MAP4K4: variants seen among roughly 807,000 people sequenced by gnomAD.
MAP4K4 encodes HPK/GCK-like kinase HGK.
MAP4K4 carries 38 observed loss-of-function variants against 189.6 expected under a neutral mutation model. That is an observed-to-expected ratio of 0.20 (90% CI 0.15 to 0.26). MAP4K4 has a LOEUF of 0.26. Ranked by LOEUF, MAP4K4 falls within the 10% of genes least tolerant of loss-of-function variation. The pLI is 1.00. For missense variants in MAP4K4, 1,054 were observed against 1,726.9 expected (o/e 0.61, Z 6.91); for synonymous variants, 610 against 624.3 (o/e 0.98, Z 0.34).
chr2:101,716,072 A>G (rs1196307163), intron 2 of MAP4K4, among the ~76,000 whole-genome samples: 2 of 152,190 alleles, frequency 1.3e-5, no homozygotes, highest in Non-Finnish European at 2.9e-5. Context: ...TTTCTTCATG[A>G]AACTGGTCCC....
intron 5 of MAP4K4, 106 bp from the exon 6 acceptor site, chr2:101,829,398 A>T: frequency 1.4e-6 from 1 of 696,332 alleles, no homozygotes; most frequent in Non-Finnish European, 2.6e-6. Context: ...TCATGAGCTC[A>T]CAAACACCTT....
chr2:101,809,677 A>G (rs1402884515), intron 3 of MAP4K4, among the ~76,000 whole-genome samples: 3 of 152,194 alleles, frequency 2.0e-5, no homozygotes. Flanking sequence ...TGCTTAGTTA[A>G]AGTGGTTCAG....
chr2:101,845,201 C>T lies in MAP4K4; in HGVS notation c.1233+890C>T, dbSNP rs117378930. 3.4e-3 allele frequency among the ~76,000 whole-genome samples: 513 copies of T among 151,368 alleles called. 13 individuals are homozygous for T. In the East Asian group the frequency reaches 0.066, roughly 20 times the overall value. ...AAAAAATAAAAATAAAAAAAAAAACCGAACACACACGCACACACGGTAAGG... is the reference window on the plus strand; with the variant it reads ...AAAAAATAAAAATAAAAAAAAAAACTGAACACACACGCACACACGGTAAGG... On this transcript the variant is annotated intron_variant, in intron 12 of 32. Transcript: ENST00000324219.
chr2:101,835,995 T>C lies in MAP4K4; in HGVS notation c.773+17T>C. 1.3e-6 allele frequency: 2 copies of C among 1,585,388 alleles called. No homozygotes were observed. The highest frequency in any genetic ancestry group is 1.7e-6 in the Non-Finnish European group (2 of 1,154,776). On this transcript the variant is annotated intron_variant, in intron 9 of 32. Transcript: ENST00000324219. ...AAAAAAATGGTAAGCTATATATGGT[T>C]TTTTGTTGTTCTTTTCCCTTTTTTT...
intron 2 of MAP4K4, among the ~76,000 whole-genome samples, chr2:101,749,220 G>C (rs1474825705): frequency 1.3e-5 from 2 of 151,886 alleles, no homozygotes; most frequent in Non-Finnish European, 2.9e-5. Context: ...TAAGCCAAAA[G>C]AACAAAGCTG....
At chr2:101,704,685 G>C (rs2041315882) in intron 2 of MAP4K4, among the ~76,000 whole-genome samples, 1 of 147,620 alleles carries the variant, frequency 6.8e-6, no homozygotes, top group Admixed American at 6.9e-5. Flanking sequence ...CGACTCTCCT[G>C]AGTAGCTGGG....
exon 19 of MAP4K4, chr2:101,866,577 G>C (rs949478810): frequency 6.2e-7 from 1 of 1,611,704 alleles, no homozygotes; most frequent in African/African-American, 1.3e-5. Context: ...TTCAGAGTGA[G>C]ATGTAAGCTG....
intron 3 of MAP4K4, among the ~76,000 whole-genome samples, chr2:101,818,171 C>T (rs937570591): frequency 6.6e-6 from 1 of 152,114 alleles, no homozygotes; most frequent in African/African-American, 2.4e-5. Context: ...CATTTTTCTA[C>T]CCGTTCACAG....
At chr2:101,704,560 TATA>T (rs1225655952) in intron 2 of MAP4K4, among the ~76,000 whole-genome samples, 40 of 78,276 alleles carry the variant, frequency 5.1e-4, no homozygotes, top group South Asian at 1.1e-3. Context: ...TATATATATA[TATA>T]TATATTTTTT....
intron 2 of MAP4K4, among the ~76,000 whole-genome samples, chr2:101,759,393 G>A (rs987914792): frequency 1.3e-5 from 2 of 151,652 alleles, no homozygotes; most frequent in African/African-American, 4.9e-5. Context: ...GGGTTTGTTT[G>A]TGAAGGGGAG....
At chr2:101,825,280 A>G in intron 4 of MAP4K4, 39 bp from the exon 5 acceptor site, 1 of 1,361,488 alleles carries the variant, frequency 7.3e-7, no homozygotes, top group Non-Finnish European at 1.0e-6. Flanking sequence ...CAATTTCTCC[A>G]AGATATGTTG....
chr2:101,801,964 C>T (rs77939166), intron 3 of MAP4K4, among the ~76,000 whole-genome samples: 371 of 152,298 alleles, frequency 2.4e-3, no homozygotes, highest in African/African-American at 8.6e-3. Context: ...TGTCCTGTAC[C>T]ACTTGGCTCA....
intron 2 of MAP4K4, among the ~76,000 whole-genome samples, chr2:101,751,236 A>C (rs1306935509): frequency 6.6e-6 from 1 of 152,244 alleles, no homozygotes; most frequent in Non-Finnish European, 1.5e-5. Flanking sequence ...AACTAAAAGG[A>C]AAGGAGAAAA....
chr2:101,730,289 A>G (rs2057833772), intron 2 of MAP4K4, among the ~76,000 whole-genome samples: 1 of 152,082 alleles, frequency 6.6e-6, no homozygotes, highest in East Asian at 1.9e-4. Flanking sequence ...GCTTTGTGAT[A>G]TGATCATGAG....
chr2:101,847,166 C>T (rs1471163837), intron 12 of MAP4K4, among the ~76,000 whole-genome samples: 1 of 152,168 alleles, frequency 6.6e-6, no homozygotes, highest in African/African-American at 2.4e-5. Flanking sequence ...GGTTGTAGCG[C>T]AACCTGTTAC....
chr2:101,773,504 T>G (rs1316002427), intron 2 of MAP4K4, among the ~76,000 whole-genome samples: 1 of 152,234 alleles, frequency 6.6e-6, no homozygotes. Context: ...CATGAGATGA[T>G]GTTCTGATAC....
In MAP4K4 at chr2:101,839,814, T is replaced by C. The variant is rs777866307; in HGVS notation, c.774-5T>C. 2.5e-6 allele frequency: 4 copies of C among 1,574,588 alleles called. No homozygotes were observed. The South Asian group carries it at 4.7e-5, about 19-fold the overall frequency. ...AAATTTGATGATCTTTTTCACTTCT[T>C]ACAGGTCGAAGAAGTTTTTTAGTTT... On this transcript the variant is annotated splice_region_variant and splice_polypyrimidine_tract_variant and intron_variant, in intron 9 of 32. Coordinates refer to ENST00000324219, the Ensembl canonical transcript of MAP4K4.
chr2:101,889,868 A>T (rs1435798552), intron 32 of MAP4K4, among the ~76,000 whole-genome samples: 1 of 152,166 alleles, frequency 6.6e-6, no homozygotes, highest in Non-Finnish European at 1.5e-5. Flanking sequence ...GATACATCCC[A>T]AACACAAAGT....
chr2:101,821,818 TAAC>T (rs1433831978), intron 3 of MAP4K4, among the ~76,000 whole-genome samples: 2 of 152,258 alleles, frequency 1.3e-5, no homozygotes, highest in Non-Finnish European at 2.9e-5. Flanking sequence ...TCTTTTGTAA[TAAC>T]AGCTTAAAAA....
Sources: gnomAD v4.1 joint callset for allele counts (sites outside exome capture counted in the v4.1 genomes callset) on GRCh38, gnomAD v4.1.1 for gene constraint, MANE v1.5 for transcripts, NCBI Gene and HGNC (gene_info 2026-07-23, HGNC 2026-07-21) for gene names.